WDR1: variants seen among roughly 807,000 people sequenced by gnomAD.
WDR1 encodes WD repeat domain 1.
In WDR1, 21 loss-of-function variants were observed where a neutral mutation model predicts 71.9. The ratio of observed to expected loss-of-function variants is 0.29; its 90% CI spans 0.21 to 0.42. The LOEUF is 0.42. Ranked by LOEUF, WDR1 falls within the 10% of genes least tolerant of loss-of-function variation. The pLI is 1.00. For synonymous variants in WDR1, 424 were observed against 347.4 expected (o/e 1.22, Z -2.45); for missense variants, 696 against 824.5 (o/e 0.84, Z 1.91).
intron 2 of WDR1, among the ~76,000 whole-genome samples, chr4:10,110,692 C>T (rs1713297182): frequency 6.6e-6 from 1 of 152,238 alleles, no homozygotes; most frequent in Non-Finnish European, 1.5e-5. Context: ...GGGCATTGTT[C>T]TTTTGAAGCA....
At chr4:10,107,262 G>A (rs896367296) in intron 2 of WDR1, among the ~76,000 whole-genome samples, 2 of 152,140 alleles carry the variant, frequency 1.3e-5, no homozygotes, top group Non-Finnish European at 2.9e-5. Context: ...GGAGGCTGCC[G>A]TTCAGTCCTC....
rs1240310091 is a variant in WDR1 at position 10,077,438 on chromosome 4, A to G, written c.1580T>C (p.Val527Ala). ...SVADGYSENN[V>A]FYGHHAKIVC... ...GATTTTTGCATGGTGTCCATAAAAA[A>G]CATTGTTCTCCTAGTTGCAGGTTGA... Residue 527 changes from valine to alanine, a missense_variant, in exon 14 of 15, where the codon GTT (valine) becomes GCT (alanine). Coordinates refer to ENST00000499869, the MANE Select transcript of WDR1 (RefSeq NM_017491.5). 1.2e-6 allele frequency: 2 copies of G among 1,613,852 alleles called. No individual in the cohort carries two copies. Among genetic ancestry groups the G allele is most frequent in the Non-Finnish European group, 8.5e-7 (1 of 1,179,864 alleles).
rs575588459 is a variant in WDR1, at chr4:10,104,894, C to T, written c.139-908G>A. 3.3e-5 allele frequency among the ~76,000 whole-genome samples: 5 copies of T among 152,168 alleles called. No homozygotes were observed. In the East Asian group the frequency reaches 7.7e-4, roughly 24 times the overall value. On this transcript the variant is annotated intron_variant, in intron 2 of 14. Coordinates refer to ENST00000499869, the MANE Select transcript of WDR1 (RefSeq NM_017491.5). Reference sequence around the variant, plus strand: ...CACACCAGACTCCTGTGAGGGTGCCCGGGCACCCCTAGCATGACCCCACCT... The same window carrying T: ...CACACCAGACTCCTGTGAGGGTGCCTGGGCACCCCTAGCATGACCCCACCT...
At chr4:10,080,557 A>G (rs1468887743) in intron 11 of WDR1, among the ~76,000 whole-genome samples, 4 of 152,264 alleles carry the variant, frequency 2.6e-5, no homozygotes, top group Non-Finnish European at 5.9e-5. Flanking sequence ...AAGGCAAAGG[A>G]GGGCCAGAGG....
At chr4:10,116,033 G>A in intron 2 of WDR1, 80 bp downstream of exon 2, 1 of 1,543,032 alleles carries the variant, frequency 6.5e-7, no homozygotes, top group Non-Finnish European at 8.8e-7. Context: ...GGCAGGAGGT[G>A]AGAAGTGGAG....
At chr4:10,098,463 C>T (rs935144227) in intron 4 of WDR1, among the ~76,000 whole-genome samples, 1 of 152,186 alleles carries the variant, frequency 6.6e-6, no homozygotes, top group East Asian at 1.9e-4. Context: ...GGGACTCTGA[C>T]TCTCTTGAAT....
intron 13 of WDR1, 46 bp from the exon 14 acceptor site, chr4:10,077,494 C>T (rs757617049): frequency 6.2e-7 from 1 of 1,612,388 alleles, no homozygotes; most frequent in South Asian, 1.1e-5. Context: ...CAGGTTCAGG[C>T]CGCAGTTGCC....
At chr4:10,078,020 G>A in intron 12 of WDR1, 94 bp from the exon 13 acceptor site, 1 of 1,404,938 alleles carries the variant, frequency 7.1e-7, no homozygotes, top group Non-Finnish European at 9.5e-7. Flanking sequence ...AAGAAACTGT[G>A]CCGTTCCCAC....
intron 8 of WDR1, 126 bp from the exon 9 acceptor site, chr4:10,084,656 A>T: frequency 1.2e-6 from 1 of 826,600 alleles, no homozygotes; most frequent in South Asian, 1.5e-5. Flanking sequence ...ATGGCAGTGC[A>T]GGTGCTCTGA....
chr4:10,096,435 C>T (rs1560538799), intron 5 of WDR1: 1 of 152,272 alleles, frequency 6.6e-6, no homozygotes, highest in East Asian at 1.9e-4. Context: ...TAGGTGGTAG[C>T]CACAAGAGCA....
intron 2 of WDR1, among the ~76,000 whole-genome samples, chr4:10,108,882 C>T (rs898350526): frequency 6.6e-6 from 1 of 152,194 alleles, no homozygotes; most frequent in African/African-American, 2.4e-5. Flanking sequence ...CCCCACTGCC[C>T]TCACTACTTT....
chr4:10,100,410 T>C (rs887918865), intron 3 of WDR1, among the ~76,000 whole-genome samples: 17 of 152,136 alleles, frequency 1.1e-4, no homozygotes, highest in African/African-American at 4.1e-4. Context: ...CAACTAGTCT[T>C]CAGTGCACAG....
Position 10,087,837 on chromosome 4 carries a change from A to G in WDR1, c.821T>C (p.Met274Thr). Residue 274 changes from methionine (M) to threonine (T), a missense_variant, in exon 8 of 15, where the codon ATG becomes ACG. Met to Thr is a moderately conservative substitution (Grantham distance 81, BLOSUM62 -1). Coordinates refer to ENST00000499869, the MANE Select transcript of WDR1 (RefSeq NM_017491.5). ...SVNSVVSTFP[M>T]GSTVLDQQLG... The stretch of plus-strand genomic sequence containing the variant: ...CTGCTGGTCCAGAACCGTGGAGCCC[A>G]TGGGAAATGTGCTGACCACGGAGTT... 6.3e-7 allele frequency: 1 copy of G among 1,579,968 alleles called. No individual in the cohort carries two copies. Among genetic ancestry groups the G allele is most frequent in the Non-Finnish European group, 8.6e-7 (1 of 1,162,154 alleles).
intron 5 of WDR1, 117 bp downstream of exon 5, chr4:10,097,594 G>GT: frequency 7.2e-6 from 9 of 1,253,040 alleles, no homozygotes; most frequent in Non-Finnish European, 9.9e-6. Context: ...CCACTTCTGT[G>GT]TATCATGGCA....
Position 10,113,850 on chromosome 4 carries a change from G to A in WDR1, c.138+2263C>T, listed in dbSNP as rs57216740. Among the ~76,000 whole-genome samples the A allele has an allele frequency of 6.8e-3, 1,032 of 152,370 alleles. 16 individuals are homozygous for A. The highest frequency in any genetic ancestry group is 0.024 in the African/African-American group (997 of 41,590). On this transcript the variant is annotated intron_variant, in intron 2 of 14. Transcript: ENST00000499869. The stretch of plus-strand genomic sequence containing the variant: ...TGGGGCCTGAACAGCTGGAGGAACG[G>A]TGTTCCCTTTTAGGGGAAGAGCACG...
intron 7 of WDR1, 57 bp from the exon 8 acceptor site, chr4:10,087,997 C>G (rs1207827310): frequency 1.4e-6 from 2 of 1,468,920 alleles, no homozygotes; most frequent in Non-Finnish European, 1.8e-6. Flanking sequence ...GGAGAGAGAC[C>G]CCAAAAAGCA....
intron 3 of WDR1, among the ~76,000 whole-genome samples, chr4:10,100,542 G>C (rs1006798582): frequency 6.6e-6 from 1 of 152,262 alleles, no homozygotes; most frequent in African/African-American, 2.4e-5. Flanking sequence ...CATCCTCTGA[G>C]ATGAGGGAGA....
intron 5 of WDR1, chr4:10,093,238 C>A: frequency 1.0e-6 from 1 of 983,026 alleles, no homozygotes; most frequent in Non-Finnish European, 1.4e-6. Flanking sequence ...ACCCTGTACA[C>A]AAGAGGACCA....
At chr4:10,098,541 T>C (rs1374880078) in intron 4 of WDR1, among the ~76,000 whole-genome samples, 1 of 152,180 alleles carries the variant, frequency 6.6e-6, no homozygotes, top group Non-Finnish European at 1.5e-5. Context: ...AGCCACCCAG[T>C]GCCACCCAGC....
Sources: allele counts gnomAD v4.1 joint callset (sites outside exome capture counted in the v4.1 genomes callset), GRCh38; gene constraint gnomAD v4.1.1; transcripts MANE v1.5; gene names NCBI Gene and HGNC (gene_info 2026-07-23, HGNC 2026-07-21).